The following RASGRP3 variants were observed in gnomAD, a reference collection of about 807,000 sequenced individuals.
The protein encoded by RASGRP3 is RAS guanyl releasing protein 3, also known as ras guanyl-releasing protein 3.
RASGRP3 carries 54 observed loss-of-function variants against 82.7 expected under a neutral mutation model. The ratio of observed to expected loss-of-function variants is 0.65; its 90% CI spans 0.52 to 0.82. The LOEUF is 0.82. Ranked by LOEUF, RASGRP3 falls within the 40% of genes least tolerant of loss-of-function variation. The pLI is 0.00. For synonymous variants in RASGRP3, 309 were observed against 300.5 expected (o/e 1.03, Z -0.29); for missense variants, 861 against 828.9 (o/e 1.04, Z -0.48).
rs750271899 is a variant in RASGRP3, at chr2:33,522,043, C to G, written c.457C>G (p.Pro153Ala). Residue 153 changes from proline to alanine, a missense_variant, in exon 7 of 18, where the codon CCC becomes GCC. Physicochemically the swap from Pro to Ala is conservative, Grantham distance 27. Coordinates refer to ENST00000403687, the MANE Select transcript of RASGRP3 (RefSeq NM_001139488.2). ...KACLLFDHLE[P>A]IELAEHLTFL... is the part of the protein sequence containing the mutation. ...CTGTCTGCTGTTTGACCATCTGGAG[C>G]CCATTGAATTGGCTGAGCACCTCAC... 3.7e-6 allele frequency: 6 copies of G among 1,613,684 alleles called. No homozygotes were observed. In the East Asian group the frequency reaches 1.3e-4, roughly 36 times the overall value.
upstream of RASGRP3, among the ~76,000 whole-genome samples, chr2:33,472,435 C>T (rs992782926): frequency 2.0e-5 from 3 of 152,146 alleles, no homozygotes; most frequent in Non-Finnish European, 4.4e-5. Context: ...AGATCAGAGA[C>T]AGGCTTTTTG....
chr2:33,457,803 T>G (rs1666122665), intron 2 of RASGRP3, among the ~76,000 whole-genome samples: 1 of 152,176 alleles, frequency 6.6e-6, no homozygotes, highest in South Asian at 2.1e-4. Flanking sequence ...TTCTTAACCC[T>G]CACCACACTA....
chr2:33,527,581 T>G (rs1654383654), intron 10 of RASGRP3, among the ~76,000 whole-genome samples, 169 bp downstream of exon 10: 1 of 152,194 alleles, frequency 6.6e-6, no homozygotes. Context: ...TGATTAATAT[T>G]TTCCATAACC....
chr2:33,543,717 C>A lies in RASGRP3; in HGVS notation c.1394+90C>A. 4.5e-6 allele frequency: 4 copies of A among 885,148 alleles called. No homozygotes were observed. The South Asian group carries it at 6.8e-5, about 15-fold the overall frequency. 54.8% of individuals were successfully genotyped at this position (885,148 alleles called of 1,614,324 possible). On this transcript the variant is annotated intron_variant, in intron 13 of 17. Coordinates refer to ENST00000403687, the MANE Select transcript of RASGRP3 (RefSeq NM_001139488.2). ...GAGAAGGGAAACTTGTAATTTGCAT[C>A]TTGACAGCTTCAACCCTGGTGCTTT...
At chr2:33,555,421 G>A in intron 14 of RASGRP3, 110 bp from the exon 15 acceptor site, 3 of 858,422 alleles carry the variant, frequency 3.5e-6, no homozygotes, top group African/African-American at 1.7e-5. Flanking sequence ...GCTACATCCT[G>A]TTTGTGCCTG....
At position 33,543,556 on chromosome 2, in the gene RASGRP3, C is replaced by T. The variant is rs1463144563; in HGVS notation, c.1323C>T (p.Ser441=). The T allele has an allele frequency of 1.9e-6, 3 of 1,611,570 alleles. No homozygotes were observed. Among genetic ancestry groups the T allele is most frequent in the Non-Finnish European group, 2.5e-6 (3 of 1,178,194 alleles). Residue 441 remains serine, a synonymous_variant, in exon 13 of 18, where the codon TCC becomes TCT. Transcript: ENST00000403687. ...NYDHDHDGYI[S]QEDFESIAAN... ...ATCACGACCATGATGGGTACATTTC[C>T]CAAGAGGACTTTGAAAGTATAGCTG...
chr2:33,473,357 T>C (rs1257510199), upstream of RASGRP3, among the ~76,000 whole-genome samples: 1 of 151,438 alleles, frequency 6.6e-6, no homozygotes, highest in Non-Finnish European at 1.5e-5. Context: ...CACTCCAGCC[T>C]GGGCAACACA....
chr2:33,456,902 C>CT lies in RASGRP3; in HGVS notation c.-261+8960dup, dbSNP rs1217205872. Among the ~76,000 whole-genome samples the CT allele has an allele frequency of 4.5e-4, 47 of 104,992 alleles. No homozygotes were observed. The East Asian group carries it at 0.01, about 23-fold the overall frequency. The allele number at this position is 104,992 out of a possible 152,430, so 68.9% of individuals were successfully genotyped here. A position where few individuals can be genotyped will look rare whatever the true frequency, so the allele number is the denominator to read the frequency against. The stretch of plus-strand genomic sequence containing the variant: ...TACCAGGCATTGTGCTAAGTGCTTT[C>CT]TATTTTTTTTTTTTTTTTTGAGATG... On this transcript the variant is annotated intron_variant, in intron 2 of 18. Transcript: ENST00000402538.
intron 1 of RASGRP3, among the ~76,000 whole-genome samples, chr2:33,490,716 A>G (rs1029898459): frequency 1.3e-5 from 2 of 152,176 alleles, no homozygotes; most frequent in African/African-American, 2.4e-5. Context: ...AGCCATTGCC[A>G]TGGCGCTAAA....
At chr2:33,479,327 A>G (rs929096256) in intron 1 of RASGRP3, among the ~76,000 whole-genome samples, 6 of 152,230 alleles carry the variant, frequency 3.9e-5, no homozygotes, top group African/African-American at 1.2e-4. Flanking sequence ...GAACTTTGTT[A>G]TTAACCTCCA....
chr2:33,549,572 A>C (rs1284696483), intron 13 of RASGRP3, 32 bp from the exon 14 acceptor site: 1 of 1,591,830 alleles, frequency 6.3e-7, no homozygotes, highest in South Asian at 1.1e-5. Flanking sequence ...TGTTATTTAA[A>C]GATTCCCTCC....
At chr2:33,529,879 T>C (rs955856688) in intron 10 of RASGRP3, among the ~76,000 whole-genome samples, 8 of 152,172 alleles carry the variant, frequency 5.3e-5, no homozygotes, top group African/African-American at 1.9e-4. Context: ...CTTGATTCTG[T>C]AGTACCAGCC....
chr2:33,533,744 A>C (rs182288447), intron 10 of RASGRP3: 1 of 153,178 alleles, frequency 6.5e-6, no homozygotes. Flanking sequence ...TTCCTGGAGC[A>C]CTTAAAGTGG....
chr2:33,456,878 A>G (rs906283919), intron 2 of RASGRP3, among the ~76,000 whole-genome samples: 10 of 150,776 alleles, frequency 6.6e-5, no homozygotes, highest in Non-Finnish European at 1.2e-4. Flanking sequence ...GTCAAAGTCT[A>G]CCAGGCATTG....
intron 1 of RASGRP3, among the ~76,000 whole-genome samples, chr2:33,508,234 G>A (rs965600943): frequency 1.3e-4 from 20 of 152,118 alleles, no homozygotes; most frequent in African/African-American, 4.8e-4. Context: ...ATTCCAAGGA[G>A]AAATTTTGTT....
At position 33,539,185 on chromosome 2, in the gene RASGRP3, A is replaced by G. The variant is rs1472991398; in HGVS notation, c.1253A>G (p.Asn418Ser). The G allele has an allele frequency of 6.2e-7, 1 of 1,609,220 alleles. No homozygotes were observed. The highest frequency in any genetic ancestry group is 1.7e-5 in the Admixed American group (1 of 59,410). ...CCAAAGCCAGACCCCACGGTCATCA[A>G]CAAGCACATAAGGAAATTAGTGGAG... ...VMPKPDPTVI[N>S]KHIRKLVESV... The change falls in exon 12 of 18, where the codon AAC becomes AGC. Residue 418 changes from asparagine (N) to serine (S), a missense_variant. Asn to Ser is a conservative substitution (Grantham distance 46, BLOSUM62 1). Coordinates refer to ENST00000403687, the MANE Select transcript of RASGRP3 (RefSeq NM_001139488.2).
At chr2:33,542,138 C>T (rs1230411180) in intron 12 of RASGRP3, among the ~76,000 whole-genome samples, 1 of 146,916 alleles carries the variant, frequency 6.8e-6, no homozygotes, top group African/African-American at 2.4e-5. Flanking sequence ...ATATATAATA[C>T]ATCTAGAATT....
chr2:33,454,777 G>T (rs1237854511), intron 2 of RASGRP3, among the ~76,000 whole-genome samples: 1 of 152,196 alleles, frequency 6.6e-6, no homozygotes, highest in African/African-American at 2.4e-5. Flanking sequence ...AATATTAACT[G>T]AAAAGTTCTC....
At chr2:33,545,336 G>C (rs4670681) in intron 13 of RASGRP3, among the ~76,000 whole-genome samples, 1 of 152,118 alleles carries the variant, frequency 6.6e-6, no homozygotes, top group African/African-American at 2.4e-5. Flanking sequence ...TTTTCCAAAC[G>C]ATGTTCCACA....
Sources: gnomAD v4.1 joint callset for allele counts (sites outside exome capture counted in the v4.1 genomes callset) on GRCh38, gnomAD v4.1.1 for gene constraint, MANE v1.5 for transcripts, NCBI Gene and HGNC (gene_info 2026-07-23, HGNC 2026-07-21) for gene names.